Variants in AGBL4 observed in about 807,000 individuals in gnomAD.
The protein encoded by AGBL4 is AGBL carboxypeptidase 4, also known as cytosolic carboxypeptidase 6.
Under a neutral mutation model 66.4 loss-of-function variants are expected in AGBL4, and 58 were observed. The ratio of observed to expected loss-of-function variants is 0.87; its 90% CI spans 0.71 to 1.09. The LOEUF (loss-of-function observed/expected upper bound fraction) is 1.09, where lower values mean the gene tolerates loss of function less well. Among genes scored for constraint, AGBL4 ranks in the 50% least tolerant of loss-of-function variants. AGBL4 has a pLI of 0.00. For synonymous variants in AGBL4, 234 were observed against 222.9 expected, an observed-to-expected ratio of 1.05 and a Z score of -0.44; for missense variants, 579 against 631.0, an observed-to-expected ratio of 0.92 and a Z score of 0.88.
At chr1:49,597,607 T>A (rs1644875570) in intron 3 of AGBL4, among the ~76,000 whole-genome samples, 1 of 152,150 alleles carries the variant, frequency 6.6e-6, no homozygotes, top group Non-Finnish European at 1.5e-5. Context: ...AAATGTAAAA[T>A]GAGGCCAGCC....
chr1:49,740,162 G>A (rs1043952495), intron 2 of AGBL4, among the ~76,000 whole-genome samples: 9 of 152,248 alleles, frequency 5.9e-5, no homozygotes, highest in East Asian at 3.9e-4. Context: ...CCCATCTCAC[G>A]TGCAGAGACA....
chr1:49,094,598 A>G (rs1262798559), intron 4 of AGBL4, among the ~76,000 whole-genome samples: 1 of 152,092 alleles, frequency 6.6e-6, no homozygotes, highest in African/African-American at 2.4e-5. Context: ...CCAGTATTTT[A>G]TTGAGGATTT....
chr1:48,776,850 G>T (rs1231834989), intron 6 of AGBL4: 4 of 1,473,034 alleles, frequency 2.7e-6, no homozygotes, highest in African/African-American at 1.5e-5. Context: ...CCGGGGGCGG[G>T]CCCCGGTCGG....
chr1:48,687,660 C>T (rs1646556782), intron 6 of AGBL4, among the ~76,000 whole-genome samples: 1 of 152,234 alleles, frequency 6.6e-6, no homozygotes, highest in Non-Finnish European at 1.5e-5. Flanking sequence ...CTTGAGGCTA[C>T]TTCCTGACCT....
intron 2 of AGBL4, among the ~76,000 whole-genome samples, chr1:49,735,603 G>A (rs1419553793): frequency 4.6e-5 from 7 of 151,904 alleles, no homozygotes; most frequent in African/African-American, 1.7e-4. Context: ...AACAGGAAAT[G>A]AATACATTTA....
chr1:49,452,747 A>T (rs1042750075), intron 3 of AGBL4, among the ~76,000 whole-genome samples: 4 of 151,812 alleles, frequency 2.6e-5, no homozygotes, highest in Admixed American at 2.0e-4. Context: ...GAGCTCTCTG[A>T]CTATAGACTA....
chr1:49,652,852 G>A (rs979234094), intron 3 of AGBL4, among the ~76,000 whole-genome samples: 4 of 152,050 alleles, frequency 2.6e-5, no homozygotes, highest in Admixed American at 2.0e-4. Context: ...GAAGAGGGGC[G>A]GCTGCAGTAT....
At chr1:49,608,654 C>T (rs149880413) in intron 3 of AGBL4, among the ~76,000 whole-genome samples, 3 of 152,222 alleles carry the variant, frequency 2.0e-5, no homozygotes, top group East Asian at 1.9e-4. Flanking sequence ...TTATAAGATC[C>T]TGTACCTTTT....
chr1:49,494,552 A>G (rs1233446706), intron 3 of AGBL4, among the ~76,000 whole-genome samples: 2 of 151,810 alleles, frequency 1.3e-5, no homozygotes, highest in African/African-American at 2.4e-5. Context: ...GCGATAGTTT[A>G]CTGAGAATGA....
At chr1:49,686,996 T>C (rs536938599) in intron 3 of AGBL4, among the ~76,000 whole-genome samples, 2 of 152,240 alleles carry the variant, frequency 1.3e-5, no homozygotes, top group African/African-American at 2.4e-5. Context: ...ATGGTCGCTG[T>C]AGGGAACTAC....
At chr1:49,577,154 CTG>C (rs1458466787) in intron 3 of AGBL4, among the ~76,000 whole-genome samples, 20 of 152,200 alleles carry the variant, frequency 1.3e-4, no homozygotes, top group Admixed American at 1.0e-3. Flanking sequence ...TGGTCAAAAA[CTG>C]TGAAAATATT....
intron 2 of AGBL4, among the ~76,000 whole-genome samples, chr1:49,775,993 G>C (rs1006901169): frequency 2.6e-5 from 4 of 151,774 alleles, no homozygotes; most frequent in African/African-American, 4.8e-5. Flanking sequence ...ACAGTACTGG[G>C]TGTACAAAGA....
chr1:48,727,084 C>G (rs1178792398), intron 6 of AGBL4, among the ~76,000 whole-genome samples: 1 of 152,128 alleles, frequency 6.6e-6, no homozygotes, highest in Admixed American at 6.5e-5. Context: ...ACCTTAGAGA[C>G]TCAGTAACAG....
Position 48,534,077 on chromosome 1 carries a change from A to C in AGBL4, c.*96T>G. 6.5e-7 allele frequency: 1 copy of C among 1,532,438 alleles called. No individual in the cohort carries two copies. Among genetic ancestry groups the C allele is most frequent in the Non-Finnish European group, 8.8e-7 (1 of 1,130,236 alleles). 94.9% of individuals were successfully genotyped at this position (1,532,438 alleles called of 1,614,324 possible). On this transcript the variant is annotated 3_prime_UTR_variant, in exon 14 of 14. Coordinates refer to ENST00000371839, the MANE Select transcript of AGBL4 (RefSeq NM_032785.4). The stretch of plus-strand genomic sequence containing the variant: ...CTTTCACTAGCCTATGCATTAATCC[A>C]CAAATCCTTGGAAGCTAGAGAAGAG...
intron 6 of AGBL4, among the ~76,000 whole-genome samples, chr1:48,671,096 C>T (rs1646269614): frequency 6.6e-6 from 1 of 152,214 alleles, no homozygotes; most frequent in Admixed American, 6.5e-5. Flanking sequence ...GGACTGAGTG[C>T]AAGTCCCAGG....
chr1:49,304,130 T>C (rs781332933), intron 3 of AGBL4, among the ~76,000 whole-genome samples: 1 of 152,228 alleles, frequency 6.6e-6, no homozygotes, highest in South Asian at 2.1e-4. Flanking sequence ...TTTAAGTCTT[T>C]AATCCATCTT....
chr1:48,866,081 G>T (rs948883297), intron 6 of AGBL4, among the ~76,000 whole-genome samples: 1 of 152,064 alleles, frequency 6.6e-6, no homozygotes, highest in South Asian at 2.1e-4. Flanking sequence ...CTATAGTAAG[G>T]TCACCCAAAC....
chr1:49,699,335 T>TA (rs933733850), intron 2 of AGBL4, among the ~76,000 whole-genome samples: 1 of 151,988 alleles, frequency 6.6e-6, no homozygotes, highest in Non-Finnish European at 1.5e-5. Context: ...TGTGTGTACA[T>TA]AAAAAATACT....
intron 1 of AGBL4, among the ~76,000 whole-genome samples, chr1:49,892,666 C>T (rs933930303): frequency 2.0e-5 from 3 of 152,144 alleles, no homozygotes; most frequent in Non-Finnish European, 4.4e-5. Context: ...TAATGGTACA[C>T]TCTGCTTCAG....
Sources: allele counts gnomAD v4.1 joint callset (sites outside exome capture counted in the v4.1 genomes callset), GRCh38; gene constraint gnomAD v4.1.1; transcripts MANE v1.5; gene names NCBI Gene and HGNC (gene_info 2026-07-23, HGNC 2026-07-21).